TLE5: variants seen among roughly 807,000 people sequenced by gnomAD.
The protein encoded by TLE5 is TLE family member 5.
A neutral mutation model predicts 25.8 loss-of-function variants in TLE5; 7 were observed. That is an observed-to-expected ratio of 0.27 (90% CI 0.15 to 0.51). The LOEUF (loss-of-function observed/expected upper bound fraction) is 0.51, where lower values mean the gene tolerates loss of function less well. Ranked by LOEUF, TLE5 falls within the 20% of genes least tolerant of loss-of-function variation. TLE5 has a pLI of 0.97. For synonymous variants in TLE5, 132 were observed against 110.5 expected (o/e 1.20, Z -1.22); for missense variants, 149 against 250.7 (o/e 0.59, Z 2.74).
chr19:3,054,371 T>C (rs2090200404), intron 5 of TLE5, 177 bp from the exon 6 acceptor site: 1 of 616,316 alleles, frequency 1.6e-6, no homozygotes, highest in Non-Finnish European at 2.9e-6. Flanking sequence ...CTGCTTCCTT[T>C]CACCAAGCTC....
intron 1 of TLE5, among the ~76,000 whole-genome samples, chr19:3,061,887 G>GGA (rs1555697643): frequency 3.2e-4 from 1 of 3,088 alleles, no homozygotes; most frequent in Non-Finnish European, 1.0e-3. Context: ...CCGGCGGGTT[G>GGA]GGGGGGGGGG....
chr19:3,060,265 C>G (rs1349956452), intron 2 of TLE5, among the ~76,000 whole-genome samples: 1 of 151,558 alleles, frequency 6.6e-6, no homozygotes, highest in African/African-American at 2.4e-5. Flanking sequence ...TTCCTCAATG[C>G]TATGGACACC....
At chr19:3,056,820 T>G (rs2090223477) in intron 3 of TLE5, 1 of 234,674 alleles carries the variant, frequency 4.3e-6, no homozygotes, top group South Asian at 3.7e-5. Context: ...GCCCCAGATC[T>G]CACCCTGCCC....
At chr19:3,061,110 G>T in intron 2 of TLE5, 50 bp downstream of exon 2, 2 of 1,391,390 alleles carry the variant, frequency 1.4e-6, no homozygotes, top group Non-Finnish European at 2.0e-6. Flanking sequence ...CAGAAGAAAT[G>T]GGGGGACTCA....
chr19:3,054,482 G>A, intron 5 of TLE5: 2 of 541,542 alleles, frequency 3.7e-6, no homozygotes, highest in East Asian at 6.3e-5. Context: ...GTGAGCCCGG[G>A]AGAAACCCTG....
intron 2 of TLE5, 112 bp from the exon 3 acceptor site, chr19:3,057,854 G>C (rs935295301): frequency 1.1e-6 from 1 of 952,192 alleles, no homozygotes; most frequent in Non-Finnish European, 1.7e-6. Context: ...GTAAGGGCAA[G>C]ATCAGCCAAT....
At chr19:3,057,465 C>T (rs1310509793) in intron 3 of TLE5, 4 of 563,488 alleles carry the variant, frequency 7.1e-6, no homozygotes, top group African/African-American at 1.9e-5. Context: ...TGCAACCCGG[C>T]GGTTTGGCAC....
intron 2 of TLE5, among the ~76,000 whole-genome samples, chr19:3,059,395 G>A (rs553423204): frequency 2.0e-5 from 3 of 152,120 alleles, no homozygotes; most frequent in East Asian, 1.9e-4. Flanking sequence ...GGTGGTGCAC[G>A]CCTGTAATCC....
At chr19:3,062,523 T>C (rs1713876164), upstream of TLE5, 5 of 652,728 alleles carry the variant, frequency 7.7e-6, no homozygotes, top group Non-Finnish European at 7.6e-6. Flanking sequence ...TGCGGAGGCT[T>C]CGGCTCCACC....
At chr19:3,056,197 G>C (rs2090216165) in intron 4 of TLE5, 115 bp downstream of exon 4, 1 of 670,278 alleles carries the variant, frequency 1.5e-6, no homozygotes, top group South Asian at 2.0e-5. Context: ...GGGCTGGCTT[G>C]GTGCCCAGCC....
At chr19:3,061,813 T>C (rs1484367265) in intron 1 of TLE5, among the ~76,000 whole-genome samples, 3 of 138,024 alleles carry the variant, frequency 2.2e-5, no homozygotes, top group African/African-American at 8.0e-5. Context: ...GGGCTAGAGG[T>C]GCCTCGCGGG....
Position 3,054,552 on chromosome 19 carries a change from G to A in TLE5, c.298-358C>T, listed in dbSNP as rs113700619. ...AAAGATGTGAAACATGTGAATGTTT[G>A]TGCAGTACACAACCTGCCCAACTGT... On this transcript the variant is annotated intron_variant, in intron 5 of 6. Coordinates refer to ENST00000327141, the MANE Select transcript of TLE5 (RefSeq NM_001130.6). 88 of 377,234 alleles carry A rather than the reference G, an allele frequency of 2.3e-4. 1 individual carries two copies. Among genetic ancestry groups the A allele is most frequent in the Non-Finnish European group, 1.2e-4 (23 of 199,466 alleles). The allele number at this position is 377,234 out of a possible 1,614,324, so 23.4% of individuals were successfully genotyped here.
chr19:3,060,275 C>T (rs922409605), intron 2 of TLE5, among the ~76,000 whole-genome samples: 2 of 151,908 alleles, frequency 1.3e-5, no homozygotes, highest in African/African-American at 4.8e-5. Context: ...CTATGGACAC[C>T]CCCGAGGAAA....
intron 1 of TLE5, among the ~76,000 whole-genome samples, chr19:3,061,897 G>GGC (rs1555697659): frequency 9.9e-5 from 14 of 141,128 alleles, no homozygotes; most frequent in Non-Finnish European, 1.7e-4. Flanking sequence ...GGGGGGGGGG[G>GGC]GCGCCAAGCC....
chr19:3,058,737 C>G (rs2090240679), intron 2 of TLE5, among the ~76,000 whole-genome samples: 1 of 152,196 alleles, frequency 6.6e-6, no homozygotes, highest in African/African-American at 2.4e-5. Flanking sequence ...AGAGAGCAGG[C>G]AGGAGGGCCT....
At chr19:3,060,677 C>T (rs1414629924) in intron 2 of TLE5, among the ~76,000 whole-genome samples, 1 of 152,086 alleles carries the variant, frequency 6.6e-6, no homozygotes, top group South Asian at 2.1e-4. Context: ...TAGTTCCTTC[C>T]CCTTAGATAC....
intron 1 of TLE5, among the ~76,000 whole-genome samples, chr19:3,061,896 G>GT (rs2090273064): frequency 6.9e-6 from 1 of 144,982 alleles, no homozygotes; most frequent in Non-Finnish European, 1.5e-5. Context: ...TGGGGGGGGG[G>GT]GGCGCCAAGC....
At chr19:3,060,263 T>C (rs2090253155) in intron 2 of TLE5, among the ~76,000 whole-genome samples, 1 of 151,690 alleles carries the variant, frequency 6.6e-6, no homozygotes, top group Non-Finnish European at 1.5e-5. Context: ...ACTTCCTCAA[T>C]GCTATGGACA....
intron 3 of TLE5, 121 bp downstream of exon 3, chr19:3,057,556 CCG>C: frequency 7.5e-6 from 7 of 931,134 alleles, no homozygotes; most frequent in Non-Finnish European, 1.2e-5. Context: ...AGAACAGGCC[CCG>C]ATCCTCGCGC....
Sources: allele counts gnomAD v4.1 joint callset (sites outside exome capture counted in the v4.1 genomes callset), GRCh38; gene constraint gnomAD v4.1.1; transcripts MANE v1.5; gene names NCBI Gene and HGNC (gene_info 2026-07-23, HGNC 2026-07-21).